The following EIF2AK3 variants were observed in gnomAD, a reference collection of about 807,000 sequenced individuals.
EIF2AK3 encodes eukaryotic translation initiation factor 2 alpha kinase 3, also known as eukaryotic translation initiation factor 2-alpha kinase 3.
EIF2AK3 carries 50 observed loss-of-function variants against 113.5 expected under a neutral mutation model. The ratio of observed to expected loss-of-function variants is 0.44; its 90% CI spans 0.35 to 0.56. EIF2AK3 has a LOEUF of 0.56. EIF2AK3 is among the 20% of genes least tolerant of loss of function. EIF2AK3 has a pLI of 0.00. For missense variants in EIF2AK3, 1,185 were observed against 1,378.0 expected (o/e 0.86, Z 2.22); for synonymous variants, 448 against 495.4 (o/e 0.90, Z 1.27).
chr2:88,558,853 G>A, intron 16 of EIF2AK3, 64 bp downstream of exon 16: 1 of 1,332,760 alleles, frequency 7.5e-7, no homozygotes, highest in Non-Finnish European at 1.1e-6. Context: ...TGAGTCGACT[G>A]CTAAGGACCG....
chr2:88,583,924 A>G (rs1327544878), intron 9 of EIF2AK3, among the ~76,000 whole-genome samples: 2 of 152,196 alleles, frequency 1.3e-5, no homozygotes, highest in Admixed American at 6.5e-5. Flanking sequence ...ACCCAGTAAC[A>G]ATAACAACAA....
At chr2:88,605,627 G>C (rs1023932877) in intron 2 of EIF2AK3, among the ~76,000 whole-genome samples, 3 of 152,014 alleles carry the variant, frequency 2.0e-5, no homozygotes, top group African/African-American at 7.2e-5. Context: ...CAGTGCTAAA[G>C]AAAAATTAAC....
At chr2:88,579,426 G>T in intron 11 of EIF2AK3, 92 bp downstream of exon 11, 1 of 1,512,664 alleles carries the variant, frequency 6.6e-7, no homozygotes, top group Non-Finnish European at 9.1e-7. Context: ...GTTTTCTATG[G>T]TGTTTACAGA....
At chr2:88,577,427 T>A (rs1674488932) in intron 11 of EIF2AK3, among the ~76,000 whole-genome samples, 1 of 151,992 alleles carries the variant, frequency 6.6e-6, no homozygotes. Flanking sequence ...AAATCCCAAC[T>A]TCTTTGCTTG....
At chr2:88,614,076 C>A (rs1223470733) in intron 1 of EIF2AK3, among the ~76,000 whole-genome samples, 1 of 152,046 alleles carries the variant, frequency 6.6e-6, no homozygotes, top group African/African-American at 2.4e-5. Flanking sequence ...TCATAGGTCA[C>A]CCTTCATTCC....
rs66817563 is a variant in EIF2AK3 at position 88,584,527 on chromosome 2, G to GAAAAAAAA, written c.1651-993_1651-986dup. ...GTGAGATGAGTGAGACCCTGTCTCT[G>GAAAAAAAA]AAAAAAAAAAAAAAAAAAAAAGAAT... On this transcript the variant is annotated intron_variant, in intron 9 of 16. Transcript: ENST00000303236. Among the ~76,000 whole-genome samples the GAAAAAAAA allele has an allele frequency of 5.0e-4, 37 of 73,330 alleles. 1 individual carries two copies. Among genetic ancestry groups the GAAAAAAAA allele is most frequent in the African/African-American group, 1.3e-3 (23 of 17,246 alleles). 48.1% of individuals were successfully genotyped at this position (73,330 alleles called of 152,430 possible).
intron 2 of EIF2AK3, chr2:88,595,894 A>G: frequency 1.7e-6 from 1 of 576,130 alleles, no homozygotes; most frequent in South Asian, 1.8e-5. Flanking sequence ...CCCTACACAT[A>G]GTACTCTAGT....
intron 13 of EIF2AK3, 43 bp downstream of exon 13, chr2:88,574,623 C>T (rs767151258): frequency 3.2e-5 from 52 of 1,607,982 alleles, no homozygotes; most frequent in Middle Eastern, 1.7e-4. Context: ...AATCACAAAA[C>T]GTCAGATTGA....
At chr2:88,584,609 ATACTC>A (rs1229047033) in intron 9 of EIF2AK3, among the ~76,000 whole-genome samples, 9 of 151,984 alleles carry the variant, frequency 5.9e-5, no homozygotes, top group African/African-American at 1.9e-4. Context: ...ATTTTAGTAA[ATACTC>A]TAGTAAGAGG....
At chr2:88,602,084 C>A (rs147419885) in intron 2 of EIF2AK3, among the ~76,000 whole-genome samples, 6,036 of 152,060 alleles carry the variant, frequency 0.04, 379 homozygotes, top group African/African-American at 0.14. Context: ...GTCTCCTGAC[C>A]TCGTGATCTG....
At chr2:88,576,192 A>G (rs1295099488) in intron 12 of EIF2AK3, among the ~76,000 whole-genome samples, 5 of 152,286 alleles carry the variant, frequency 3.3e-5, no homozygotes, top group Admixed American at 2.6e-4. Context: ...AAATCCCTCA[A>G]TCAATCACAA....
intron 1 of EIF2AK3, among the ~76,000 whole-genome samples, chr2:88,618,401 C>T (rs1015727104): frequency 9.9e-5 from 15 of 152,214 alleles, no homozygotes; most frequent in Admixed American, 8.5e-4. Flanking sequence ...CCTGGGTGTA[C>T]ATCCCCAAGG....
chr2:88,583,841 C>G (rs1014163072), intron 9 of EIF2AK3, among the ~76,000 whole-genome samples: 1 of 151,836 alleles, frequency 6.6e-6, no homozygotes, highest in Admixed American at 6.6e-5. Context: ...AGCATAAACA[C>G]AAACTCCTGG....
chr2:88,585,300 T>C (rs1413208380), intron 9 of EIF2AK3, among the ~76,000 whole-genome samples: 1 of 151,430 alleles, frequency 6.6e-6, no homozygotes, highest in East Asian at 1.9e-4. Flanking sequence ...GAGAGAAAAA[T>C]GCTAGAACAG....
At chr2:88,590,262 T>C (rs1057036409) in intron 6 of EIF2AK3, among the ~76,000 whole-genome samples, 181 bp downstream of exon 6, 1 of 151,920 alleles carries the variant, frequency 6.6e-6, no homozygotes, top group Non-Finnish European at 1.5e-5. Context: ...ATTTTCAGAA[T>C]TGGACAAATG....
At chr2:88,619,831 G>C (rs1256904918) in intron 1 of EIF2AK3, among the ~76,000 whole-genome samples, 1 of 151,836 alleles carries the variant, frequency 6.6e-6, no homozygotes, top group Non-Finnish European at 1.5e-5. Flanking sequence ...GCATGCACCT[G>C]TAATCCCAGC....
intron 8 of EIF2AK3, among the ~76,000 whole-genome samples, chr2:88,587,138 GAGGTTGT>G (rs891031570): frequency 4.1e-5 from 6 of 145,540 alleles, no homozygotes; most frequent in African/African-American, 1.5e-4. Context: ...CCAGGAGGTG[GAGGTTGT>G]AGTGAGCCGA....
chr2:88,573,153 T>A (rs1256131181), intron 13 of EIF2AK3, among the ~76,000 whole-genome samples: 1 of 152,024 alleles, frequency 6.6e-6, no homozygotes, highest in Non-Finnish European at 1.5e-5. Context: ...TAGAAATCTT[T>A]AAAAGGAATT....
Position 88,620,872 on chromosome 2 carries a change from C to G in EIF2AK3, c.308+6095G>C, listed in dbSNP as rs532167141. ...TACGGAAAAGACATTTATCTACTCT[C>G]AGGGCCTAGCAGTACCTGGGCCCCA... is the stretch of plus-strand genomic sequence containing the variant. On this transcript the variant is annotated intron_variant, in intron 1 of 16. Coordinates refer to ENST00000303236, the MANE Select transcript of EIF2AK3 (RefSeq NM_004836.7). Among the ~76,000 whole-genome samples the G allele has an allele frequency of 3.3e-4, 51 of 152,344 alleles. 1 individual carries two copies. Among genetic ancestry groups the G allele is most frequent in the Admixed American group, 5.9e-4 (9 of 15,304 alleles).
Sources: gnomAD v4.1 joint callset for allele counts (sites outside exome capture counted in the v4.1 genomes callset) on GRCh38, gnomAD v4.1.1 for gene constraint, MANE v1.5 for transcripts, NCBI Gene and HGNC (gene_info 2026-07-23, HGNC 2026-07-21) for gene names.